The following ZEB1 variants were observed in gnomAD, a reference collection of about 807,000 sequenced individuals.
ZEB1 encodes the protein zinc finger E-box-binding homeobox 1.
In ZEB1, 21 loss-of-function variants were observed where a neutral mutation model predicts 84.9. The ratio of observed to expected loss-of-function variants is 0.25; its 90% CI spans 0.18 to 0.36. The LOEUF is 0.36. Among genes scored for constraint, ZEB1 ranks in the 10% least tolerant of loss-of-function variants. ZEB1 has a pLI of 1.00. For synonymous variants in ZEB1, 420 were observed against 471.1 expected (o/e 0.89, Z 1.41); for missense variants, 1,104 against 1,330.2 (o/e 0.83, Z 2.65).
chr10:31,496,612 C>T (rs2067273084), intron 3 of ZEB1, among the ~76,000 whole-genome samples: 1 of 152,128 alleles, frequency 6.6e-6, no homozygotes, highest in East Asian at 1.9e-4. Context: ...ATTTTTAAAA[C>T]ATTTCCTCAA....
At chr10:31,444,685 G>A (rs1564884712) in intron 1 of ZEB1, among the ~76,000 whole-genome samples, 2 of 151,978 alleles carry the variant, frequency 1.3e-5, no homozygotes, top group Non-Finnish European at 2.9e-5. Context: ...TTTCCCCATT[G>A]CTTGTTTTTC....
intron 1 of ZEB1, among the ~76,000 whole-genome samples, chr10:31,398,592 T>G (rs768473571): frequency 9.2e-5 from 14 of 152,200 alleles, no homozygotes; most frequent in Non-Finnish European, 1.3e-4. Flanking sequence ...ATGTAAAGCC[T>G]ATATCTCTGA....
intron 1 of ZEB1, among the ~76,000 whole-genome samples, chr10:31,423,482 A>G (rs2056499623): frequency 1.3e-5 from 2 of 152,120 alleles, no homozygotes; most frequent in South Asian, 4.1e-4. Context: ...AATATTATGC[A>G]TGTATCCAAC....
At chr10:31,507,958 G>A (rs1213125368) in intron 4 of ZEB1, among the ~76,000 whole-genome samples, 1 of 151,924 alleles carries the variant, frequency 6.6e-6, no homozygotes, top group Non-Finnish European at 1.5e-5. Flanking sequence ...AATTATTCTG[G>A]TTTTTTGGAT....
At chr10:31,464,862 A>G (rs897083827) in intron 2 of ZEB1, among the ~76,000 whole-genome samples, 14 of 152,226 alleles carry the variant, frequency 9.2e-5, no homozygotes, top group Admixed American at 2.6e-4. Flanking sequence ...CTGCTTCGTA[A>G]GAAAAACTGA....
At chr10:31,443,885 GTCTT>G (rs1423781982) in intron 1 of ZEB1, among the ~76,000 whole-genome samples, 5 of 151,288 alleles carry the variant, frequency 3.3e-5, no homozygotes, top group African/African-American at 1.2e-4. Context: ...GTGTGCATGT[GTCTT>G]TATAGCAGCA....
chr10:31,321,325 TTTAA>T lies in ZEB1; in HGVS notation c.58+2037_58+2040del, dbSNP rs1419721297. 17 of 1,428,156 alleles carry T rather than the reference TTTAA, an allele frequency of 1.2e-5. No homozygotes were observed. The East Asian group carries it at 4.2e-4, about 36-fold the overall frequency. 88.5% of individuals were successfully genotyped at this position (1,428,156 alleles called of 1,614,324 possible). Reference sequence around the variant, plus strand: ...TCATTAAAATCACTGCTTTCGTGATTTTAATTATTCAAATAAACACTTGCATTTT... The same window carrying T: ...TCATTAAAATCACTGCTTTCGTGATTTTATTCAAATAAACACTTGCATTTT... On this transcript the variant is annotated intron_variant, in intron 1 of 8. Coordinates refer to ENST00000424869, the MANE Select transcript of ZEB1 (RefSeq NM_001174096.2).
At chr10:31,519,038 A>G (rs1046153704) in intron 6 of ZEB1, among the ~76,000 whole-genome samples, 5 of 152,130 alleles carry the variant, frequency 3.3e-5, no homozygotes, top group African/African-American at 1.2e-4. Context: ...TTTTGATACT[A>G]AGTAGACAAA....
intron 4 of ZEB1, among the ~76,000 whole-genome samples, chr10:31,509,495 A>G (rs2069586239): frequency 6.6e-6 from 1 of 152,126 alleles, no homozygotes; most frequent in African/African-American, 2.4e-5. Context: ...TTATTACCTC[A>G]TTATTTTGGT....
At chr10:31,344,592 AT>A (rs2039971859) in intron 1 of ZEB1, among the ~76,000 whole-genome samples, 1 of 152,144 alleles carries the variant, frequency 6.6e-6, no homozygotes. Flanking sequence ...GCCAATAGTC[AT>A]TAATTGTTAA....
chr10:31,371,719 T>G (rs1368458995), intron 1 of ZEB1, among the ~76,000 whole-genome samples: 1 of 152,178 alleles, frequency 6.6e-6, no homozygotes, highest in Non-Finnish European at 1.5e-5. Context: ...GAAAGAACTT[T>G]GTTAGTCTCT....
intron 6 of ZEB1, among the ~76,000 whole-genome samples, chr10:31,516,448 C>T (rs1356017450): frequency 6.9e-6 from 1 of 144,104 alleles, no homozygotes; most frequent in African/African-American, 2.6e-5. Flanking sequence ...CTGTGAAATG[C>T]CATACATATG....
At chr10:31,505,307 T>G (rs1188088152) in intron 4 of ZEB1, among the ~76,000 whole-genome samples, 1 of 152,120 alleles carries the variant, frequency 6.6e-6, no homozygotes, top group African/African-American at 2.4e-5. Context: ...ACTTATAGAA[T>G]GAAGTAGGGA....
chr10:31,348,716 G>C (rs1399222042), intron 1 of ZEB1, among the ~76,000 whole-genome samples: 1 of 152,028 alleles, frequency 6.6e-6, no homozygotes, highest in Non-Finnish European at 1.5e-5. Context: ...GTTGTGTTCT[G>C]TGTCCGTTTT....
chr10:31,387,820 T>C, intron 1 of ZEB1: 5 of 938,752 alleles, frequency 5.3e-6, no homozygotes, highest in Non-Finnish European at 6.3e-6. Flanking sequence ...TAAAATTTTT[T>C]ATGTCAGATC....
At chr10:31,332,597 C>T (rs1425458251) in intron 1 of ZEB1, among the ~76,000 whole-genome samples, 1 of 152,158 alleles carries the variant, frequency 6.6e-6, no homozygotes, top group African/African-American at 2.4e-5. Flanking sequence ...GAATGTTTCT[C>T]ATTCAGAATA....
intron 2 of ZEB1, among the ~76,000 whole-genome samples, chr10:31,475,715 G>A (rs937962924): frequency 3.7e-4 from 56 of 152,052 alleles, no homozygotes; most frequent in African/African-American, 1.3e-3. Context: ...AGGAGAAATA[G>A]TCTTTCCCAG....
intron 1 of ZEB1, among the ~76,000 whole-genome samples, chr10:31,380,993 T>C (rs914215234): frequency 6.6e-6 from 1 of 152,166 alleles, no homozygotes; most frequent in Non-Finnish European, 1.5e-5. Flanking sequence ...CTGTGAGTGA[T>C]GAGTTGAGCC....
intron 2 of ZEB1, among the ~76,000 whole-genome samples, chr10:31,476,439 A>G (rs1292319406): frequency 6.6e-6 from 1 of 151,972 alleles, no homozygotes; most frequent in Non-Finnish European, 1.5e-5. Flanking sequence ...CAGACAAATT[A>G]TGAGTAAGGA....
Sources: gnomAD v4.1 joint callset for allele counts (sites outside exome capture counted in the v4.1 genomes callset) on GRCh38, gnomAD v4.1.1 for gene constraint, MANE v1.5 for transcripts, NCBI Gene and HGNC (gene_info 2026-07-23, HGNC 2026-07-21) for gene names.